GPC5: variants seen among roughly 807,000 people sequenced by gnomAD.
GPC5 encodes the protein glypican-5.
In GPC5, 47 loss-of-function variants were observed where a neutral mutation model predicts 53.9. The observed-to-expected ratio is 0.87, with a 90% CI of 0.69 to 1.11. The LOEUF is 1.11. GPC5 is among the 50% of genes most tolerant of loss of function. GPC5 has a pLI of 0.00. For synonymous variants in GPC5, 286 were observed against 263.3 expected (o/e 1.09, Z -0.84); for missense variants, 748 against 713.1 (o/e 1.05, Z -0.56).
chr13:91,644,287 G>A (rs938829393), intron 2 of GPC5, among the ~76,000 whole-genome samples: 3 of 152,000 alleles, frequency 2.0e-5, no homozygotes, highest in African/African-American at 7.2e-5. Flanking sequence ...TCTCATAGAG[G>A]GTAGACAGAG....
chr13:92,301,040 G>T (rs2043071756), intron 7 of GPC5, among the ~76,000 whole-genome samples: 1 of 152,186 alleles, frequency 6.6e-6, no homozygotes, highest in Admixed American at 6.5e-5. Flanking sequence ...AAGTAACAGA[G>T]TAGCCTAGTA....
At chr13:91,470,634 ATG>A (rs1882561295) in intron 2 of GPC5, among the ~76,000 whole-genome samples, 1 of 152,118 alleles carries the variant, frequency 6.6e-6, no homozygotes, top group Non-Finnish European at 1.5e-5. Context: ...GTTCTAGCTT[ATG>A]TGTGTTTTTC....
At chr13:91,720,785 C>T (rs1228807303) in intron 3 of GPC5, among the ~76,000 whole-genome samples, 1 of 152,116 alleles carries the variant, frequency 6.6e-6, no homozygotes, top group African/African-American at 2.4e-5. Flanking sequence ...CCTTCATGTG[C>T]CCAGTCGCTT....
chr13:91,591,602 T>A (rs1173371806), intron 2 of GPC5, among the ~76,000 whole-genome samples: 1 of 152,224 alleles, frequency 6.6e-6, no homozygotes, highest in Non-Finnish European at 1.5e-5. Context: ...CTTTTTATAA[T>A]CCCATGTGTC....
At chr13:92,248,039 G>A (rs1330990) in intron 7 of GPC5, among the ~76,000 whole-genome samples, 85,621 of 151,814 alleles carry the variant, frequency 0.56, 24,402 homozygotes, top group South Asian at 0.65. Flanking sequence ...TTATCAGGAC[G>A]TTGAAGATGT....
intron 7 of GPC5, among the ~76,000 whole-genome samples, chr13:92,468,879 C>T (rs1453035033): frequency 1.3e-5 from 2 of 152,126 alleles, no homozygotes; most frequent in South Asian, 2.1e-4. Context: ...CAGTCTTTGC[C>T]TTGCTGTTTT....
intron 7 of GPC5, among the ~76,000 whole-genome samples, chr13:92,549,379 A>T (rs1437129130): frequency 6.6e-6 from 1 of 152,114 alleles, no homozygotes; most frequent in Admixed American, 6.6e-5. Context: ...TCCTCTTTTT[A>T]AAAATTATCT....
chr13:91,514,344 G>C (rs1368341438), intron 2 of GPC5, among the ~76,000 whole-genome samples: 1 of 152,134 alleles, frequency 6.6e-6, no homozygotes, highest in South Asian at 2.1e-4. Context: ...TAATTTGATA[G>C]GTCTACAGTG....
chr13:91,456,249 A>G (rs1039265438), intron 2 of GPC5, among the ~76,000 whole-genome samples: 2 of 152,164 alleles, frequency 1.3e-5, no homozygotes, highest in African/African-American at 2.4e-5. Context: ...AACCAAACAT[A>G]CAAAGTATGG....
intron 7 of GPC5, among the ~76,000 whole-genome samples, chr13:92,372,494 T>C (rs983924075): frequency 6.6e-6 from 1 of 152,210 alleles, no homozygotes; most frequent in South Asian, 2.1e-4. Context: ...CTCAATTAAA[T>C]AGAATTATTT....
At chr13:91,900,091 T>C (rs1027523054) in intron 5 of GPC5, among the ~76,000 whole-genome samples, 2 of 152,172 alleles carry the variant, frequency 1.3e-5, no homozygotes, top group African/African-American at 4.8e-5. Flanking sequence ...TAAAGTATAT[T>C]TTAATGTAGC....
intron 7 of GPC5, among the ~76,000 whole-genome samples, chr13:92,670,947 G>A (rs937867843): frequency 1.3e-5 from 2 of 152,076 alleles, no homozygotes; most frequent in African/African-American, 2.4e-5. Flanking sequence ...CAGGGAACTT[G>A]CTTGGCAGCC....
chr13:92,024,637 A>G (rs1237238814), intron 6 of GPC5, among the ~76,000 whole-genome samples: 2 of 152,102 alleles, frequency 1.3e-5, no homozygotes, highest in Non-Finnish European at 2.9e-5. Flanking sequence ...CTCAGGTAAA[A>G]TGTTCCTCTT....
intron 7 of GPC5, among the ~76,000 whole-genome samples, chr13:92,317,312 G>A (rs1014694543): frequency 6.6e-6 from 1 of 152,054 alleles, no homozygotes; most frequent in Non-Finnish European, 1.5e-5. Flanking sequence ...GGAATGCTTT[G>A]CGGGGAAGGG....
chr13:92,515,974 A>G (rs1880760508), intron 7 of GPC5, among the ~76,000 whole-genome samples: 1 of 152,208 alleles, frequency 6.6e-6, no homozygotes, highest in South Asian at 2.1e-4. Flanking sequence ...TAAAAGTAGC[A>G]TTAGACTTTT....
intron 7 of GPC5, among the ~76,000 whole-genome samples, chr13:92,551,639 C>T (rs1882320670): frequency 6.6e-6 from 1 of 151,890 alleles, no homozygotes; most frequent in Non-Finnish European, 1.5e-5. Context: ...ATGAAAATTG[C>T]TTCACTGGGG....
intron 6 of GPC5, among the ~76,000 whole-genome samples, chr13:92,124,803 G>GA (rs1424663812): frequency 6.6e-6 from 1 of 152,142 alleles, no homozygotes; most frequent in Non-Finnish European, 1.5e-5. Flanking sequence ...TTTAAGGAGA[G>GA]AAAAATAACA....
chr13:92,378,841 G>A lies in GPC5; in HGVS notation c.1561+233852G>A, dbSNP rs140410378. 7.9e-5 allele frequency among the ~76,000 whole-genome samples: 12 copies of A among 152,248 alleles called. No homozygotes were observed. The East Asian group carries it at 2.1e-3, about 27-fold the overall frequency. ...GGCATATAGTACATGAGAAAAAAAT[G>A]ATGGATATTCCTTACCTTGCTTTGA... On this transcript the variant is annotated intron_variant, in intron 7 of 7. Coordinates refer to ENST00000377067, the MANE Select transcript of GPC5 (RefSeq NM_004466.6).
intron 6 of GPC5, among the ~76,000 whole-genome samples, chr13:92,045,341 A>G (rs947542319): frequency 2.0e-5 from 3 of 152,174 alleles, no homozygotes; most frequent in Non-Finnish European, 2.9e-5. Context: ...TAGGACATTA[A>G]CCCTGACCAT....
Sources: allele counts gnomAD v4.1 joint callset (sites outside exome capture counted in the v4.1 genomes callset), GRCh38; gene constraint gnomAD v4.1.1; transcripts MANE v1.5; gene names NCBI Gene and HGNC (gene_info 2026-07-23, HGNC 2026-07-21).